SLC6A20: variants seen among roughly 807,000 people sequenced by gnomAD.
The protein encoded by SLC6A20 is solute carrier family 6 member 20, also known as sodium- and chloride-dependent transporter XTRP3.
SLC6A20 carries 73 observed loss-of-function variants against 64.3 expected under a neutral mutation model. The ratio of observed to expected loss-of-function variants is 1.14; its 90% CI spans 0.94 to 1.38. SLC6A20 has a LOEUF of 1.38. Ranked by LOEUF, SLC6A20 falls within the 40% of genes most tolerant of loss-of-function variation. SLC6A20 has a pLI of 0.00. For synonymous variants in SLC6A20, 347 were observed against 329.6 expected, an observed-to-expected ratio of 1.05 and a Z score of -0.57; for missense variants, 725 against 772.8, an observed-to-expected ratio of 0.94 and a Z score of 0.73.
At position 45,765,573 on chromosome 3, in the gene SLC6A20, T is replaced by C. The variant is rs939233565; in HGVS notation, c.1267A>G (p.Ile423Val). The C allele has an allele frequency of 7.4e-6, 12 of 1,613,914 alleles. No individual in the cohort carries two copies. In the Middle Eastern group the frequency reaches 5.0e-4, roughly 67 times the overall value. Residue 423 changes from isoleucine to valine, a missense_variant, in exon 8 of 11, where the codon ATC becomes GTC. Ile to Val is a conservative substitution (Grantham distance 29, BLOSUM62 3). Coordinates refer to ENST00000358525, the MANE Select transcript of SLC6A20 (RefSeq NM_020208.4). The surrounding 1 kb of genome is among the most constrained non-coding windows in gnomAD (Gnocchi z 4.2). ...AILTPLTDSK[I>V]ISSHLPKEAI... ...TCCTTGGGCAGGTGGCTGGAGATGA[T>C]CTTGCTGTCTGTCAGAGGGGTGAGG...
At chr3:45,771,132 G>C (rs998704323) in intron 6 of SLC6A20, 85 bp downstream of exon 6, 1 of 1,575,108 alleles carries the variant, frequency 6.3e-7, no homozygotes, top group East Asian at 2.3e-5. Flanking sequence ...CAAAACTGGT[G>C]CACTTTGCCC....
rs1157020085 is a variant in SLC6A20 at position 45,759,978 on chromosome 3, C to A, written c.1508G>T (p.Trp503Leu). 1 of 1,613,842 alleles carries A rather than the reference C, an allele frequency of 6.2e-7. No homozygotes were observed. Among genetic ancestry groups the A allele is most frequent in the Non-Finnish European group, 8.5e-7 (1 of 1,179,940 alleles). ...GCCAGCCCACATCACCTTCCAGTAC[C>A]AGCTCACAGCTCGGCCGGTCATGGC... Reference protein sequence around the residue: ...LKAMTGRAVSWYWKVMWAGVS... With the variant: ...LKAMTGRAVSLYWKVMWAGVS... Residue 503 changes from tryptophan to leucine, a missense_variant, in exon 10 of 11, where the codon TGG becomes TTG. Trp to Leu is a moderately conservative substitution (Grantham distance 61). Transcript: ENST00000358525.
At chr3:45,785,691 T>A (rs980678021) in intron 1 of SLC6A20, among the ~76,000 whole-genome samples, 2 of 150,230 alleles carry the variant, frequency 1.3e-5, no homozygotes, top group Non-Finnish European at 3.0e-5. Context: ...AATACAGTAG[T>A]AATACAACTA....
chr3:45,786,544 C>T (rs1328040357), intron 1 of SLC6A20, among the ~76,000 whole-genome samples: 3 of 152,326 alleles, frequency 2.0e-5, no homozygotes, highest in East Asian at 1.9e-4. Flanking sequence ...GTTCCATTCA[C>T]GGTGATGTAG....
intron 7 of SLC6A20, among the ~76,000 whole-genome samples, chr3:45,766,189 C>T (rs142329565): frequency 2.0e-5 from 3 of 152,274 alleles, no homozygotes; most frequent in Non-Finnish European, 4.4e-5. Flanking sequence ...AGGTGCTCAG[C>T]GGTCACGTCC....
intron 9 of SLC6A20, 88 bp from the exon 10 acceptor site, chr3:45,760,110 A>C: frequency 7.0e-7 from 1 of 1,433,784 alleles, no homozygotes; most frequent in African/African-American, 1.4e-5. Flanking sequence ...TCACAAAGGA[A>C]CATTCTGTTC....
chr3:45,776,731 A>G (rs1200675693), intron 3 of SLC6A20, among the ~76,000 whole-genome samples: 1 of 152,224 alleles, frequency 6.6e-6, no homozygotes, highest in African/African-American at 2.4e-5. Context: ...GGACTTGAGG[A>G]AATCAGCAAA....
At chr3:45,790,686 C>T (rs1700235217) in intron 1 of SLC6A20, among the ~76,000 whole-genome samples, 1 of 152,222 alleles carries the variant, frequency 6.6e-6, no homozygotes, top group Non-Finnish European at 1.5e-5. Context: ...CTACCCAGTG[C>T]ATCCTTGGCC....
intron 7 of SLC6A20, among the ~76,000 whole-genome samples, chr3:45,766,364 C>T (rs1699777647): frequency 2.0e-5 from 3 of 152,220 alleles, no homozygotes; most frequent in Non-Finnish European, 4.4e-5. Flanking sequence ...GGTAGAAGCC[C>T]CCCCACCCGG....
Position 45,765,852 on chromosome 3 carries a change from A to G in SLC6A20, c.1099-111T>C. The G allele has an allele frequency of 2.6e-6, 3 of 1,168,094 alleles. No individual in the cohort carries two copies. Among genetic ancestry groups the G allele is most frequent in the Non-Finnish European group, 3.7e-6 (3 of 814,554 alleles). The allele number at this position is 1,168,094 out of a possible 1,614,324, so 72.4% of individuals were successfully genotyped here. On this transcript the variant is annotated intron_variant, in intron 7 of 10. Transcript: ENST00000358525. This position sits in a 1 kb window ranked among gnomAD's most constrained non-coding sequence, Gnocchi z 4.2. ...CTTGGAAGTGGCCATGAGAAGCCACATTGTGAGGTTGGAGCTTCCATCTGC... is the reference window on the plus strand; with the variant it reads ...CTTGGAAGTGGCCATGAGAAGCCACGTTGTGAGGTTGGAGCTTCCATCTGC...
rs115392490 is a variant in SLC6A20, at chr3:45,762,562, G to A, written c.1463+351C>T. ...AAGTTATCAACTGGACTTTGGTCAG[G>A]GTTCTTGGAAAATACTGATGTTGGC... On this transcript the variant is annotated intron_variant, in intron 9 of 10. Coordinates refer to ENST00000358525, the MANE Select transcript of SLC6A20 (RefSeq NM_020208.4). Among the ~76,000 whole-genome samples the A allele has an allele frequency of 2.4e-3, 360 of 152,348 alleles. 1 individual carries two copies. Among genetic ancestry groups the A allele is most frequent in the Middle Eastern group, 6.8e-3 (2 of 294 alleles).
At chr3:45,763,945 T>C (rs977337117) in intron 8 of SLC6A20, among the ~76,000 whole-genome samples, 1 of 152,116 alleles carries the variant, frequency 6.6e-6, no homozygotes, top group African/African-American at 2.4e-5. Context: ...GCACACCTAG[T>C]GTTGGCTACA....
At chr3:45,773,040 T>C (rs2125727022) in intron 4 of SLC6A20, among the ~76,000 whole-genome samples, 1 of 152,292 alleles carries the variant, frequency 6.6e-6, no homozygotes, top group African/African-American at 2.4e-5. Flanking sequence ...AAGCAGCCCA[T>C]AGAATCTGTG....
intron 4 of SLC6A20, 25 bp downstream of exon 4, chr3:45,775,736 G>C: frequency 6.2e-7 from 1 of 1,600,478 alleles, no homozygotes; most frequent in Middle Eastern, 1.7e-4. Context: ...CAGGAGCACC[G>C]GGCTTCTGTG....
chr3:45,762,994 T>C lies in SLC6A20; in HGVS notation c.1382A>G (p.Asn461Ser). Residue 461 changes from asparagine (N) to serine (S), a missense_variant, in exon 9 of 11, where the codon AAC (asparagine) becomes AGC (serine). By Grantham distance (46) the Asn-to-Ser change is conservative. Transcript: ENST00000358525. ...EAGNYWFDIFNDYAATLSLLL... is the reference protein window; with the variant it reads ...EAGNYWFDIFSDYAATLSLLL... ...CAGGGACAGTGTGGCCGCGTAGTCGTTGAATATGTCAAACCAGTAGTTCCC... is the reference window on the plus strand; with the variant it reads ...CAGGGACAGTGTGGCCGCGTAGTCGCTGAATATGTCAAACCAGTAGTTCCC... The C allele has an allele frequency of 6.2e-7, 1 of 1,614,076 alleles. No individual in the cohort carries two copies. Among genetic ancestry groups the C allele is most frequent in the Non-Finnish European group, 8.5e-7 (1 of 1,180,020 alleles).
chr3:45,794,448 C>T (rs1700312687), intron 1 of SLC6A20, among the ~76,000 whole-genome samples: 1 of 152,188 alleles, frequency 6.6e-6, no homozygotes, highest in Admixed American at 6.5e-5. Context: ...TCCATGCATA[C>T]ACCCAGCCAC....
chr3:45,771,322 A>G lies in SLC6A20; in HGVS notation c.830T>C (p.Ile277Thr), dbSNP rs1343275208. 1 of 1,614,224 alleles carries G rather than the reference A, an allele frequency of 6.2e-7. No homozygotes were observed. Among genetic ancestry groups the G allele is most frequent in the Admixed American group, 1.7e-5 (1 of 60,030 alleles). Reference protein sequence around the residue: ...EPSNNCQKHAIIVSLINSFTS... With the variant: ...EPSNNCQKHATIVSLINSFTS... ...GAAGCTGTTGATGAGGGACACGATGATGGCGTGCTTCTGGCAGTTGTTGGA... is the reference window on the plus strand; with the variant it reads ...GAAGCTGTTGATGAGGGACACGATGGTGGCGTGCTTCTGGCAGTTGTTGGA... Residue 277 changes from isoleucine (I) to threonine (T), a missense_variant, in exon 6 of 11, where the codon ATC (isoleucine) becomes ACC (threonine). Coordinates refer to ENST00000358525, the MANE Select transcript of SLC6A20 (RefSeq NM_020208.4).
intron 1 of SLC6A20, among the ~76,000 whole-genome samples, chr3:45,783,118 C>T (rs2125653222): frequency 6.6e-6 from 1 of 152,292 alleles, no homozygotes; most frequent in Non-Finnish European, 1.5e-5. Context: ...TGGGCCAGCC[C>T]CTGGCTGGTG....
Position 45,771,354 on chromosome 3 carries a change from A to G in SLC6A20, c.798T>C (p.Asn266=). The change falls in exon 6 of 11, where the codon AAT becomes AAC. Residue 266 remains asparagine (N), a synonymous_variant. Coordinates refer to ENST00000358525, the MANE Select transcript of SLC6A20 (RefSeq NM_020208.4). ...GCTTCTGGCAGTTGTTGGATGGCTC[A>G]TTGTAGCTGGCGAAGGCGATCAGGC... ...FGSLIAFASY[N]EPSNNCQKHA... The G allele has an allele frequency of 6.2e-7, 1 of 1,614,256 alleles. No individual in the cohort carries two copies. Among genetic ancestry groups the G allele is most frequent in the Non-Finnish European group, 8.5e-7 (1 of 1,180,042 alleles).
Sources: gnomAD v4.1 joint callset for allele counts (sites outside exome capture counted in the v4.1 genomes callset) on GRCh38, gnomAD v4.1.1 for gene constraint, Gnocchi (gnomAD v3.1) non-coding constraint, MANE v1.5 for transcripts, NCBI Gene and HGNC (gene_info 2026-07-23, HGNC 2026-07-21) for gene names.